PRKG2: variants seen among roughly 807,000 people sequenced by gnomAD.
The protein encoded by PRKG2 is cGMP-dependent protein kinase 2.
A neutral mutation model predicts 97.2 loss-of-function variants in PRKG2; 33 were observed. The ratio of observed to expected loss-of-function variants is 0.34; its 90% CI spans 0.26 to 0.45. PRKG2 has a LOEUF of 0.45. Among genes scored for constraint, PRKG2 ranks in the 20% least tolerant of loss-of-function variants. PRKG2 has a pLI of 1.00. For missense variants in PRKG2, 638 were observed against 900.0 expected (o/e 0.71, Z 3.73); for synonymous variants, 330 against 321.8 (o/e 1.03, Z -0.27).
chr4:81,217,053 ATGTG>A (rs1289899788), upstream of PRKG2, among the ~76,000 whole-genome samples: 775 of 133,520 alleles, frequency 5.8e-3, 38 homozygotes, highest in African/African-American at 0.025. Context: ...ATATATATAT[ATGTG>A]TATATATATA....
At chr4:81,103,955 C>A (rs1022640366) in intron 17 of PRKG2, among the ~76,000 whole-genome samples, 48 of 152,192 alleles carry the variant, frequency 3.2e-4, no homozygotes, top group African/African-American at 1.1e-3. Flanking sequence ...CATTTGAACC[C>A]AGGAGGTGGA....
At chr4:81,145,235 G>A (rs575819862) in intron 9 of PRKG2, among the ~76,000 whole-genome samples, 1 of 152,246 alleles carries the variant, frequency 6.6e-6, no homozygotes, top group South Asian at 2.1e-4. Context: ...CGGTGTAAAA[G>A]TGTTCCTATT....
Position 81,137,458 on chromosome 4 carries a change from A to G in PRKG2, c.1569T>C (p.Asn523=). The change falls in exon 13 of 19, where the codon AAT becomes AAC. Residue 523 remains asparagine, a synonymous_variant. Transcript: ENST00000264399. ...IVKLYRTFKD[N]KYVYMLLEAC... is the part of the protein sequence containing the mutation. ...CCTCCAGAAGCATGTATACATACTT[A>G]TTGTCCTTGAAAGTACGATATAATC... The G allele has an allele frequency of 1.9e-6, 3 of 1,611,882 alleles. No homozygotes were observed. Among genetic ancestry groups the G allele is most frequent in the South Asian group, 2.2e-5 (2 of 91,040 alleles).
chr4:81,157,348 T>G (rs1749194674), intron 6 of PRKG2, among the ~76,000 whole-genome samples: 1 of 152,290 alleles, frequency 6.6e-6, no homozygotes, highest in Admixed American at 6.5e-5. Flanking sequence ...GATAAATTCC[T>G]CAATACATAC....
At chr4:81,176,650 A>ATAAGCAAAAGTGTGCTAAGTT (rs1183618690) in intron 2 of PRKG2, among the ~76,000 whole-genome samples, 1 of 152,174 alleles carries the variant, frequency 6.6e-6, no homozygotes, top group Non-Finnish European at 1.5e-5. Flanking sequence ...CTGTTTCTTT[A>ATAAGCAAAAGTGTGCTAAGTT]TAAGCAAAAG....
intron 2 of PRKG2, among the ~76,000 whole-genome samples, chr4:81,176,874 C>A (rs534580723): frequency 1.3e-5 from 2 of 151,932 alleles, no homozygotes; most frequent in African/African-American, 4.8e-5. Flanking sequence ...CTCAAAAAGA[C>A]TCTTTTGTCC....
chr4:81,098,397 T>C (rs899372935), intron 17 of PRKG2, among the ~76,000 whole-genome samples: 1 of 152,190 alleles, frequency 6.6e-6, no homozygotes, highest in African/African-American at 2.4e-5. Flanking sequence ...ACATGTGTGT[T>C]CACTGGAGTA....
At chr4:81,171,855 T>C in intron 3 of PRKG2, 51 bp from the exon 4 acceptor site, 1 of 1,242,144 alleles carries the variant, frequency 8.1e-7, no homozygotes, top group East Asian at 2.4e-5. Flanking sequence ...GAAATCCGTG[T>C]AGATACTATA....
chr4:81,174,119 T>A (rs1313139766), intron 3 of PRKG2, among the ~76,000 whole-genome samples: 2 of 152,056 alleles, frequency 1.3e-5, no homozygotes, highest in Non-Finnish European at 2.9e-5. Flanking sequence ...ACCATTATAA[T>A]CTTCCCAACT....
intron 6 of PRKG2, among the ~76,000 whole-genome samples, chr4:81,166,589 G>C (rs1199399235): frequency 2.0e-5 from 3 of 152,048 alleles, no homozygotes; most frequent in Non-Finnish European, 4.4e-5. Flanking sequence ...AACCATCTGG[G>C]TGATGCCTAA....
chr4:81,098,872 C>A (rs960022547), intron 17 of PRKG2, among the ~76,000 whole-genome samples: 1 of 152,180 alleles, frequency 6.6e-6, no homozygotes, highest in Non-Finnish European at 1.5e-5. Context: ...AACACAGACA[C>A]ACAAAGTGAG....
intron 12 of PRKG2, among the ~76,000 whole-genome samples, chr4:81,139,814 T>C (rs1203455929): frequency 6.7e-6 from 1 of 148,660 alleles, no homozygotes; most frequent in African/African-American, 2.5e-5. Flanking sequence ...TCAAAACAAC[T>C]GGAAAACATC....
intron 2 of PRKG2, chr4:81,175,916 C>T (rs1282428076): frequency 6.6e-6 from 1 of 152,116 alleles, no homozygotes; most frequent in Non-Finnish European, 1.5e-5. Context: ...TATTTACTCT[C>T]GATCATAAAA....
At chr4:81,179,613 C>A (rs372826439) in intron 2 of PRKG2, among the ~76,000 whole-genome samples, 1 of 151,990 alleles carries the variant, frequency 6.6e-6, no homozygotes, top group African/African-American at 2.4e-5. Context: ...TTAAAGAAAG[C>A]TTGTATTTAT....
intron 2 of PRKG2, among the ~76,000 whole-genome samples, chr4:81,200,290 G>A (rs1428938541): frequency 1.3e-5 from 2 of 152,108 alleles, no homozygotes; most frequent in Non-Finnish European, 2.9e-5. Flanking sequence ...AATTATTCAG[G>A]AACCCATATG....
intron 2 of PRKG2, among the ~76,000 whole-genome samples, chr4:81,189,305 ATT>A (rs1173821399): frequency 4.6e-5 from 6 of 129,690 alleles, no homozygotes; most frequent in Admixed American, 7.2e-5. Context: ...GAAGAGAAAG[ATT>A]TTGTCTTATT....
chr4:81,094,828 AT>A (rs1741959902), intron 17 of PRKG2, among the ~76,000 whole-genome samples: 1 of 152,194 alleles, frequency 6.6e-6, no homozygotes, highest in African/African-American at 2.4e-5. Context: ...CAGAGGCTAG[AT>A]CACGTACAGC....
At chr4:81,125,185 C>T (rs527517406) in intron 14 of PRKG2, among the ~76,000 whole-genome samples, 1 of 152,110 alleles carries the variant, frequency 6.6e-6, no homozygotes, top group Non-Finnish European at 1.5e-5. Flanking sequence ...GAAATAAAAT[C>T]CATATATTTT....
Position 81,092,465 on chromosome 4 carries a change from A to AAATGAAGG in PRKG2, c.2127-14_2127-13insCCTTCATT. 1.1e-6 allele frequency: 1 copy of AAATGAAGG among 925,344 alleles called. No individual in the cohort carries two copies. Among genetic ancestry groups the AAATGAAGG allele is most frequent in the South Asian group, 1.7e-5 (1 of 57,708 alleles). The allele number at this position is 925,344 out of a possible 1,614,324, so 57.3% of individuals were successfully genotyped here. A position where few individuals can be genotyped will look rare whatever the true frequency, so the allele number is the denominator to read the frequency against. On this transcript the variant is annotated splice_polypyrimidine_tract_variant and intron_variant, in intron 17 of 18. Transcript: ENST00000264399. ...ACCATTTAACCACCTGAGAAATGAG[A>AAATGAAGG]AAGGAAGGAAGGAAGGAAGGAAGGA...
Sources: gnomAD v4.1 joint callset for allele counts (sites outside exome capture counted in the v4.1 genomes callset) on GRCh38, gnomAD v4.1.1 for gene constraint, MANE v1.5 for transcripts, NCBI Gene and HGNC (gene_info 2026-07-23, HGNC 2026-07-21) for gene names.